KANK2: variants seen among roughly 807,000 people sequenced by gnomAD.
The protein encoded by KANK2 is KN motif and ankyrin repeat domain-containing protein 2.
In KANK2, 41 loss-of-function variants were observed where a neutral mutation model predicts 74.6. The observed-to-expected ratio is 0.55, with a 90% CI of 0.43 to 0.71. The LOEUF is 0.71. Among genes scored for constraint, KANK2 ranks in the 30% least tolerant of loss-of-function variants. The pLI, the probability that KANK2 is intolerant of heterozygous loss-of-function variation, is 0.00. For missense variants in KANK2, 1,148 were observed against 1,196.4 expected, an observed-to-expected ratio of 0.96 and a Z score of 0.60; for synonymous variants, 537 against 519.0, an observed-to-expected ratio of 1.03 and a Z score of -0.47.
intron 6 of KANK2, among the ~76,000 whole-genome samples, chr19:11,177,964 C>A (rs528748875): frequency 6.6e-6 from 1 of 152,302 alleles, no homozygotes; most frequent in African/African-American, 2.4e-5. Context: ...CCACCTGTGT[C>A]TTTCTTGAGG....
In KANK2 at chr19:11,183,873, G is replaced by C. The variant is rs531110674; in HGVS notation, c.1250-5153C>G. Among the ~76,000 whole-genome samples the C allele has an allele frequency of 3.0e-4, 45 of 152,000 alleles. 2 individuals are homozygous for C. The South Asian group carries it at 9.0e-3, about 30-fold the overall frequency. Reference sequence around the variant, plus strand: ...TCACTATGTTGGCAAGGCTGGTCTTGAACTCCTGGCCAATTTTTGTATTTT... The same window carrying C: ...TCACTATGTTGGCAAGGCTGGTCTTCAACTCCTGGCCAATTTTTGTATTTT... On this transcript the variant is annotated intron_variant, in intron 4 of 12. Transcript: ENST00000586659.
chr19:11,188,943 C>A (rs2078756001), intron 4 of KANK2, among the ~76,000 whole-genome samples: 1 of 151,158 alleles, frequency 6.6e-6, no homozygotes, highest in African/African-American at 2.4e-5. Context: ...GGAGATAGCG[C>A]CATTGCACAC....
chr19:11,188,515 CTTTT>C (rs56971061), intron 4 of KANK2, among the ~76,000 whole-genome samples: 1 of 133,348 alleles, frequency 7.5e-6, no homozygotes, highest in Non-Finnish European at 1.6e-5. Context: ...CATGTAAATT[CTTTT>C]TTTTTTTTTT....
At chr19:11,194,198 C>T (rs956435636) in intron 3 of KANK2, among the ~76,000 whole-genome samples, 156 bp from the exon 4 acceptor site, 1 of 152,114 alleles carries the variant, frequency 6.6e-6, no homozygotes, top group African/African-American at 2.4e-5. Flanking sequence ...CAGAGCAGGG[C>T]TATGCCTCCC....
chr19:11,177,711 C>T (rs1396442288), intron 6 of KANK2, among the ~76,000 whole-genome samples: 1 of 152,166 alleles, frequency 6.6e-6, no homozygotes, highest in African/African-American at 2.4e-5. Context: ...ATAGGGCTCT[C>T]TCGTGTTTCT....
In KANK2 at chr19:11,178,433, C is replaced by CA; in HGVS notation, c.1431_1432insT (p.Gly478TrpfsTer32). The CA allele has an allele frequency of 6.3e-7, 1 of 1,596,448 alleles. No individual in the cohort carries two copies. On this transcript the variant is annotated frameshift_variant, in exon 6 of 13. Transcript: ENST00000586659. LOFTEE classifies it high-confidence loss of function. ...TTCCGTTTCATGATAGATCGCACGC[C>CA]TGCCGGGGGCCCGCCTGGAGGGGAG...
rs1248231738 is a variant in KANK2, at chr19:11,178,657, G to A, written c.1313C>T (p.Thr438Ile). ...TCGGCCTGTGCTCTTCTCAGGCTGT[G>A]TAAGGGAGGCTACCTCGGACCCCGG... Reference protein sequence around the residue: ...SPPGSEVASLTQPEKSTGRVP... With the variant: ...SPPGSEVASLIQPEKSTGRVP... The change falls in exon 5 of 13, where the codon ACA (threonine) becomes ATA (isoleucine). Residue 438 changes from threonine (T) to isoleucine (I), a missense_variant. Transcript: ENST00000586659. 1 of 1,565,888 alleles carries A rather than the reference G, an allele frequency of 6.4e-7. No individual in the cohort carries two copies. The highest frequency in any genetic ancestry group is 2.4e-5 in the East Asian group (1 of 42,324).
chr19:11,177,160 C>CACTGCAA (rs954008621), intron 6 of KANK2, among the ~76,000 whole-genome samples: 8 of 143,528 alleles, frequency 5.6e-5, no homozygotes, highest in Non-Finnish European at 1.2e-4. Context: ...CAGTGGCACT[C>CACTGCAA]ACTGCAAACT....
chr19:11,190,552 A>C (rs149476245), intron 4 of KANK2, among the ~76,000 whole-genome samples: 83 of 152,296 alleles, frequency 5.4e-4, no homozygotes, highest in Non-Finnish European at 1.0e-3. Flanking sequence ...AGCAACCAGT[A>C]CTTAACCGTG....
rs1175463947 is a variant in KANK2 at position 11,178,327 on chromosome 19, G to T, written c.1520+18C>A. Reference sequence around the variant, plus strand: ...GGGCGGGAAGTATGGGGTGGGGGGTGGGGTCTTCTCCTCTCACCCGCCGTT... The same window carrying T: ...GGGCGGGAAGTATGGGGTGGGGGGTTGGGTCTTCTCCTCTCACCCGCCGTT... On this transcript the variant is annotated intron_variant, in intron 6 of 12. Transcript: ENST00000586659. 3.3e-5 allele frequency: 17 copies of T among 508,804 alleles called. No homozygotes were observed. The highest frequency in any genetic ancestry group is 5.6e-5 in the Non-Finnish European group (17 of 303,358). 31.5% of individuals were successfully genotyped at this position (508,804 alleles called of 1,614,324 possible). A position where few individuals can be genotyped will look rare whatever the true frequency, so the allele number is the denominator to read the frequency against.
chr19:11,194,113 G>T, intron 3 of KANK2, 71 bp from the exon 4 acceptor site: 1 of 1,472,010 alleles, frequency 6.8e-7, no homozygotes, highest in Non-Finnish European at 9.1e-7. Flanking sequence ...ACTGATGCCT[G>T]GGGAGAGTTG....
rs1235103955 is a variant in KANK2 at position 11,178,347 on chromosome 19, G to A, written c.1518C>T (p.Gly506=). 1.3e-6 allele frequency: 2 copies of A among 1,513,486 alleles called. No individual in the cohort carries two copies. Among genetic ancestry groups the A allele is most frequent in the Non-Finnish European group, 1.8e-6 (2 of 1,136,362 alleles). The allele number at this position is 1,513,486 out of a possible 1,614,324, so 93.8% of individuals were successfully genotyped here. Residue 506 remains glycine (G), a splice_region_variant and synonymous_variant, in exon 6 of 13, where the codon GGC becomes GGT. Coordinates refer to ENST00000586659, the MANE Select transcript of KANK2 (RefSeq NM_001136191.3). The part of the protein sequence containing the change: ...RRSLQFVGVN[G]GYESSSEDSS... ...GGGGTGGGGTCTTCTCCTCTCACCC[G>A]CCGTTGACCCCCACGAACTGGAGGC...
chr19:11,172,971 G>A lies in KANK2; in HGVS notation c.2211+10C>T. 2 of 1,611,330 alleles carry A rather than the reference G, an allele frequency of 1.2e-6. No homozygotes were observed. The highest frequency in any genetic ancestry group is 1.1e-5 in the South Asian group (1 of 90,882). On this transcript the variant is annotated intron_variant, in intron 10 of 12. Coordinates refer to ENST00000586659, the MANE Select transcript of KANK2 (RefSeq NM_001136191.3). ...GCCACCTGGATCTGCAGCAGCCGGG[G>A]TCCCCATACCTGGCTGGCTTTGGCA... is the stretch of plus-strand genomic sequence containing the variant.
At chr19:11,178,837 A>G in intron 4 of KANK2, 117 bp from the exon 5 acceptor site, 1 of 899,816 alleles carries the variant, frequency 1.1e-6, no homozygotes, top group Non-Finnish European at 1.6e-6. Context: ...GTGTTACCAC[A>G]TCCAGTCTTC....
At chr19:11,194,442 C>T (rs201929327) in intron 3 of KANK2, 33 bp downstream of exon 3, 196 of 1,592,662 alleles carry the variant, frequency 1.2e-4, no homozygotes, top group African/African-American at 4.0e-5. Flanking sequence ...TGAAGCTCCC[C>T]GGGGCAGGGC....
Position 11,170,467 on chromosome 19 carries a change from C to CGG in KANK2, c.2212-221_2212-220dup, listed in dbSNP as rs1600806044. On this transcript the variant is annotated intron_variant, in intron 10 of 12. Transcript: ENST00000586659. This position sits in a 1 kb window ranked among gnomAD's most constrained non-coding sequence, Gnocchi z 5.2. Reference sequence around the variant, plus strand: ...AGTGGTTGCCAGAGGCTGGGAGAAGCGGGGGCGGAGGAAATGATGGATACA... The same window carrying CGG: ...AGTGGTTGCCAGAGGCTGGGAGAAGCGGGGGGGCGGAGGAAATGATGGATACA... 1 of 582,068 alleles carries CGG rather than the reference C, an allele frequency of 1.7e-6. No homozygotes were observed. The highest frequency in any genetic ancestry group is 3.1e-6 in the Non-Finnish European group (1 of 325,740). 36.1% of individuals were successfully genotyped at this position (582,068 alleles called of 1,614,324 possible).
Position 11,170,485 on chromosome 19 carries a change from T to C in KANK2, c.2212-237A>G. The C allele has an allele frequency of 1.7e-6, 1 of 577,488 alleles. No individual in the cohort carries two copies. Among genetic ancestry groups the C allele is most frequent in the Non-Finnish European group, 3.1e-6 (1 of 322,178 alleles). 35.8% of individuals were successfully genotyped at this position (577,488 alleles called of 1,614,324 possible). A position where few individuals can be genotyped will look rare whatever the true frequency, so the allele number is the denominator to read the frequency against. On this transcript the variant is annotated intron_variant, in intron 10 of 12. Transcript: ENST00000586659. The surrounding 1 kb of genome is among the most constrained non-coding windows in gnomAD (Gnocchi z 5.2). ...GGAGAAGCGGGGGCGGAGGAAATGA[T>C]GGATACAGGTTTCCTTTGGGGGTGA...
At chr19:11,167,484 C>G (rs1034190370) in intron 12 of KANK2, among the ~76,000 whole-genome samples, 1 of 152,060 alleles carries the variant, frequency 6.6e-6, no homozygotes, top group African/African-American at 2.4e-5. Flanking sequence ...CTGCCTTAGC[C>G]TCCCGAGTAG....
chr19:11,178,851 C>T, intron 4 of KANK2, 131 bp from the exon 5 acceptor site: 1 of 770,894 alleles, frequency 1.3e-6, no homozygotes, highest in Non-Finnish European at 1.9e-6. Context: ...AGTCTTCCTG[C>T]CCCTTGGAGG....
Sources: allele counts gnomAD v4.1 joint callset (sites outside exome capture counted in the v4.1 genomes callset), GRCh38; gene constraint gnomAD v4.1.1; non-coding constraint Gnocchi (gnomAD v3.1); transcripts MANE v1.5; gene names NCBI Gene and HGNC (gene_info 2026-07-23, HGNC 2026-07-21).